Variants in WDR27 observed in about 807,000 individuals in gnomAD.
The protein encoded by WDR27 is WD repeat domain 27, also known as WD repeat-containing protein 27.
In WDR27, 100 loss-of-function variants were observed where a neutral mutation model predicts 114.4. The ratio of observed to expected loss-of-function variants is 0.87; its 90% CI spans 0.74 to 1.03. The LOEUF (loss-of-function observed/expected upper bound fraction) is 1.03, where lower values mean the gene tolerates loss of function less well. WDR27 is among the 50% of genes least tolerant of loss of function. The pLI is 0.00. For missense variants in WDR27, 1,129 were observed against 1,092.9 expected (o/e 1.03, Z -0.47); for synonymous variants, 449 against 423.1 (o/e 1.06, Z -0.75).
chr6:169,455,708 G>A (rs1190027047), downstream of WDR27, among the ~76,000 whole-genome samples: 1 of 152,168 alleles, frequency 6.6e-6, no homozygotes, highest in African/African-American at 2.4e-5. Context: ...ATGCCCCCTG[G>A]CTTTGTTCTC....
At chr6:169,503,849 G>C (rs528743640) in intron 25 of WDR27, among the ~76,000 whole-genome samples, 1 of 151,930 alleles carries the variant, frequency 6.6e-6, no homozygotes, top group South Asian at 2.1e-4. Flanking sequence ...AAAAACACAG[G>C]AGTAAAAGCT....
chr6:169,540,719 C>T (rs555863480), intron 25 of WDR27, among the ~76,000 whole-genome samples: 23 of 152,144 alleles, frequency 1.5e-4, no homozygotes, highest in East Asian at 5.8e-4. Flanking sequence ...CATGAGACAC[C>T]GCGCCTGGCC....
chr6:169,427,489 G>C, the WDR27 span, among the ~76,000 whole-genome samples: 1 of 152,168 alleles, frequency 6.6e-6, no homozygotes, highest in Non-Finnish European at 1.5e-5. Flanking sequence ...TTTAAGCAAA[G>C]GCTTGTGTTT....
At chr6:169,664,100 T>G (rs4716374) in intron 8 of WDR27, 66 bp downstream of exon 8, 49,646 of 1,439,398 alleles carry the variant, frequency 0.034, 2,708 homozygotes, top group East Asian at 0.18. Context: ...CTAGGGCCCT[T>G]GACATGGCGC....
chr6:169,613,482 T>C, intron 22 of WDR27, 77 bp downstream of exon 22: 1 of 1,207,736 alleles, frequency 8.3e-7, no homozygotes, highest in Non-Finnish European at 1.2e-6. Flanking sequence ...CCTCATCACA[T>C]TCGGAAAAGA....
At chr6:169,517,314 C>T (rs533877952) in intron 25 of WDR27, among the ~76,000 whole-genome samples, 37 of 152,272 alleles carry the variant, frequency 2.4e-4, no homozygotes, top group South Asian at 6.2e-4. Context: ...GTAAAGCCTG[C>T]GGAACCATGA....
chr6:169,474,922 C>A (rs1384367792), intron 25 of WDR27, among the ~76,000 whole-genome samples: 1 of 152,190 alleles, frequency 6.6e-6, no homozygotes, highest in African/African-American at 2.4e-5. Flanking sequence ...ATCCCATTCA[C>A]AGAAATTCGG....
intron 1 of WDR27, among the ~76,000 whole-genome samples, chr6:169,698,365 G>C (rs1345216751): frequency 6.6e-6 from 1 of 152,074 alleles, no homozygotes; most frequent in Admixed American, 6.5e-5. Flanking sequence ...ACAGGGATGA[G>C]GGAGGGTCTG....
At chr6:169,600,260 G>A (rs932159688) in intron 23 of WDR27, among the ~76,000 whole-genome samples, 25 of 152,194 alleles carry the variant, frequency 1.6e-4, no homozygotes, top group African/African-American at 6.0e-4. Context: ...GGTCCTGACT[G>A]TTAGAAGGAA....
Position 169,625,714 on chromosome 6 carries a change from T to A in WDR27, c.2223+7233A>T, listed in dbSNP as rs562848076. Among the ~76,000 whole-genome samples, 6 of 152,234 alleles carry A rather than the reference T, an allele frequency of 3.9e-5. No individual in the cohort carries two copies. In the South Asian group the frequency reaches 1.2e-3, roughly 32 times the overall value. ...CTGCTCCATGGGGTCAGAGCTTAGG[T>A]GCCAGTGGTGCCTGCTCAGATCTCA... On this transcript the variant is annotated intron_variant, in intron 21 of 25. Coordinates refer to ENST00000448612, the MANE Select transcript of WDR27 (RefSeq NM_182552.5).
At chr6:169,527,608 G>C (rs1401284667) in intron 25 of WDR27, among the ~76,000 whole-genome samples, 1 of 152,066 alleles carries the variant, frequency 6.6e-6, no homozygotes, top group East Asian at 1.9e-4. Flanking sequence ...AGTTAAAAAT[G>C]ATGAATTTTA....
intron 13 of WDR27, among the ~76,000 whole-genome samples, chr6:169,652,289 C>T (rs1409738879): frequency 2.6e-5 from 4 of 152,246 alleles, no homozygotes; most frequent in African/African-American, 9.6e-5. Context: ...CGCTCTATCG[C>T]TAAGGCTGGA....
In WDR27 at chr6:169,662,311, A is replaced by G. The variant is rs1227177972; in HGVS notation, c.1018T>C (p.Cys340Arg). 6.2e-7 allele frequency: 1 copy of G among 1,613,736 alleles called. No homozygotes were observed. The highest frequency in any genetic ancestry group is 2.2e-5 in the East Asian group (1 of 44,880). The stretch of plus-strand genomic sequence containing the variant: ...AAAGTTTTTGATACTTACCATCCAC[A>G]TGCAGAATTTGGGATGAGTGAGAGA... ...CDLSLIPNSACGCLSSENTRC... is the reference protein window; with the variant it reads ...CDLSLIPNSARGCLSSENTRC... The change falls in exon 9 of 26, where the codon TGT (cysteine) becomes CGT (arginine). Residue 340 changes from cysteine (C) to arginine (R), a missense_variant. Coordinates refer to ENST00000448612, the MANE Select transcript of WDR27 (RefSeq NM_182552.5).
chr6:169,613,350 C>G (rs1000335499), intron 22 of WDR27, among the ~76,000 whole-genome samples: 2 of 152,202 alleles, frequency 1.3e-5, no homozygotes, highest in Non-Finnish European at 2.9e-5. Context: ...CCTGGGGTTA[C>G]TCTCCTAAGC....
At chr6:169,635,698 G>C (rs575758762) in intron 19 of WDR27, among the ~76,000 whole-genome samples, 1 of 152,178 alleles carries the variant, frequency 6.6e-6, no homozygotes, top group Non-Finnish European at 1.5e-5. Context: ...TGCCCATTCC[G>C]AGCGCAGGGC....
chr6:169,662,554 G>C (rs982510409), intron 8 of WDR27, 130 bp from the exon 9 acceptor site: 124 of 1,215,624 alleles, frequency 1.0e-4, no homozygotes, highest in Non-Finnish European at 1.3e-4. Context: ...CACGCGTCGA[G>C]GAAAGCACTA....
At chr6:169,563,256 C>T (rs1000323696) in intron 25 of WDR27, among the ~76,000 whole-genome samples, 13 of 152,108 alleles carry the variant, frequency 8.5e-5, no homozygotes, top group South Asian at 6.2e-4. Flanking sequence ...CCTGCAACTC[C>T]GCTGCAGCCA....
the WDR27 span, among the ~76,000 whole-genome samples, chr6:169,428,178 C>T: frequency 2.6e-5 from 4 of 152,162 alleles, no homozygotes; most frequent in Non-Finnish European, 5.9e-5. Flanking sequence ...AGGATGGAAA[C>T]CCCCAGCCTT....
intron 8 of WDR27, 146 bp downstream of exon 8, chr6:169,664,020 C>T (rs1827091649): frequency 2.7e-6 from 2 of 746,208 alleles, no homozygotes; most frequent in Non-Finnish European, 4.1e-6. Context: ...ACCTGCAGGG[C>T]CTCAGTGGTT....
Sources: gnomAD v4.1 joint callset for allele counts (sites outside exome capture counted in the v4.1 genomes callset) on GRCh38, gnomAD v4.1.1 for gene constraint, MANE v1.5 for transcripts, NCBI Gene and HGNC (gene_info 2026-07-23, HGNC 2026-07-21) for gene names.